The following SPTBN4 variants were observed in gnomAD, a reference collection of about 807,000 sequenced individuals.
SPTBN4 encodes the protein spectrin beta chain, non-erythrocytic 4.
SPTBN4 carries 96 observed loss-of-function variants against 277.8 expected under a neutral mutation model. The ratio of observed to expected loss-of-function variants is 0.35; its 90% CI spans 0.29 to 0.41. The LOEUF is 0.41. Among genes scored for constraint, SPTBN4 ranks in the 10% least tolerant of loss-of-function variants. The pLI is 1.00. For missense variants in SPTBN4, 3,006 were observed against 3,595.7 expected (o/e 0.84, Z 4.19); for synonymous variants, 1,481 against 1,580.3 (o/e 0.94, Z 1.49).
Position 40,512,811 on chromosome 19 carries a change from TGCGGCGGGC to T in SPTBN4, c.2025_2033del (p.Ala681_Gly683del). On this transcript the variant is annotated inframe_deletion, in exon 14 of 36. Coordinates refer to ENST00000598249, the MANE Select transcript of SPTBN4 (RefSeq NM_020971.3). ...TCCTGGAGGCTGCGGGCGGCGGCGG[TGCGGCGGGC>T]GCAGCGGGCGCAGCGGGAACAGCGG... 6.9e-7 allele frequency: 1 copy of T among 1,445,510 alleles called. No homozygotes were observed. The highest frequency in any genetic ancestry group is 9.0e-7 in the Non-Finnish European group (1 of 1,110,146). The allele number at this position is 1,445,510 out of a possible 1,614,324, so 89.5% of individuals were successfully genotyped here.
chr19:40,494,390 T>G (rs965785128), intron 5 of SPTBN4, among the ~76,000 whole-genome samples: 1 of 150,534 alleles, frequency 6.6e-6, no homozygotes, highest in African/African-American at 2.4e-5. Context: ...GTCTATATCT[T>G]GCTCTCTCCC....
At chr19:40,525,748 T>G (rs1956187459) in intron 17 of SPTBN4, among the ~76,000 whole-genome samples, 1 of 152,178 alleles carries the variant, frequency 6.6e-6, no homozygotes, top group African/African-American at 2.4e-5. Flanking sequence ...TCGAACGTTA[T>G]CTGACAAGGA....
chr19:40,476,673 C>T (rs1048755811), intron 2 of SPTBN4, among the ~76,000 whole-genome samples: 6 of 152,038 alleles, frequency 3.9e-5, no homozygotes, highest in Non-Finnish European at 5.9e-5. Context: ...CTGCAAGCTC[C>T]GCCTCCTGGG....
Position 40,515,972 on chromosome 19 carries a change from C to T in SPTBN4, c.2903+524C>T, listed in dbSNP as rs1443519210. Among the ~76,000 whole-genome samples, 4 of 148,062 alleles carry T rather than the reference C, an allele frequency of 2.7e-5. No homozygotes were observed. Among genetic ancestry groups the T allele is most frequent in the East Asian group, 2.0e-4 (1 of 5,092 alleles). On this transcript the variant is annotated intron_variant, in intron 15 of 35. Coordinates refer to ENST00000598249, the MANE Select transcript of SPTBN4 (RefSeq NM_020971.3). This position sits in a 1 kb window ranked among gnomAD's most constrained non-coding sequence, Gnocchi z 4.1. ...ATATACACATATATACGTATATATACACATATATACGTATATATACACATA... is the reference window on the plus strand; with the variant it reads ...ATATACACATATATACGTATATATATACATATATACGTATATATACACATA...
At chr19:40,574,564 G>A (rs1317761379) in intron 35 of SPTBN4, among the ~76,000 whole-genome samples, 4 of 151,984 alleles carry the variant, frequency 2.6e-5, no homozygotes, top group Non-Finnish European at 1.5e-5. Context: ...GTTTCTCCAT[G>A]TTGGTCAGGC....
intron 26 of SPTBN4, among the ~76,000 whole-genome samples, chr19:40,559,464 A>G (rs1248046069): frequency 6.6e-6 from 1 of 152,170 alleles, no homozygotes; most frequent in Non-Finnish European, 1.5e-5. Flanking sequence ...CCTGGGCAAC[A>G]TAGTAAGACT....
intron 1 of SPTBN4, among the ~76,000 whole-genome samples, chr19:40,470,629 T>C (rs1324715218): frequency 6.8e-6 from 1 of 147,674 alleles, no homozygotes; most frequent in Non-Finnish European, 1.5e-5. Context: ...ATTTTTCTTC[T>C]TCTTCTTCTT....
At chr19:40,546,252 A>G (rs2080859054) in intron 20 of SPTBN4, among the ~76,000 whole-genome samples, 1 of 151,776 alleles carries the variant, frequency 6.6e-6, no homozygotes, top group African/African-American at 2.4e-5. Flanking sequence ...GAAAGAAAGA[A>G]AGAAAAGAAA....
rs890625362 is a variant in SPTBN4 at position 40,570,551 on chromosome 19, G to A, written c.7142G>A (p.Arg2381Gln). The change falls in exon 33 of 36, where the codon CGA (arginine) becomes CAA (glutamine). Residue 2381 changes from arginine (R) to glutamine (Q), a missense_variant. Physicochemically the swap from Arg to Gln is conservative, Grantham distance 43. Transcript: ENST00000598249. ...CGGGCGCGGGACCGGCCCAAGCCGC[G>A]ACGGCGGCCGCGGCCCAGAGAGGGT... ...RPRARDRPKP[R>Q]RRPRPREGGE... 2 of 1,358,166 alleles carry A rather than the reference G, an allele frequency of 1.5e-6. No homozygotes were observed. Among genetic ancestry groups the A allele is most frequent in the African/African-American group, 1.5e-5 (1 of 65,134 alleles). The allele number at this position is 1,358,166 out of a possible 1,614,324, so 84.1% of individuals were successfully genotyped here.
Position 40,554,232 on chromosome 19 carries a change from C to G in SPTBN4, c.4760C>G (p.Pro1587Arg), listed in dbSNP as rs756017970. The change falls in exon 23 of 36, where the codon CCG becomes CGG. Residue 1587 changes from proline to arginine, a missense_variant. This residue lies in a region of SPTBN4 where 1,759 missense variants were observed against 2,061.5 expected (regional missense o/e 0.85). Transcript: ENST00000598249. This position sits in a 1 kb window ranked among gnomAD's most constrained non-coding sequence, Gnocchi z 5.7. ...RAGALASLRS[P>R]EAEAVRRGLE... is the part of the protein sequence containing the mutation. ...GGCGCGCTGGCGTCGCTGCGCAGCC[C>G]GGAGGCAGAGGCAGTGCGCCGGGGC... is the stretch of plus-strand genomic sequence containing the variant. 2.3e-5 allele frequency: 35 copies of G among 1,517,820 alleles called. No homozygotes were observed. The highest frequency in any genetic ancestry group is 2.4e-5 in the South Asian group (2 of 82,116). The allele number at this position is 1,517,820 out of a possible 1,614,324, so 94.0% of individuals were successfully genotyped here. A position where few individuals can be genotyped will look rare whatever the true frequency, so the allele number is the denominator to read the frequency against.
chr19:40,532,732 G>A lies in SPTBN4; in HGVS notation c.4056G>A (p.Glu1352=). Residue 1352 remains glutamate, a synonymous_variant, in exon 19 of 36, where the codon GAG becomes GAA. Coordinates refer to ENST00000598249, the MANE Select transcript of SPTBN4 (RefSeq NM_020971.3). The stretch of plus-strand genomic sequence containing the variant: ...TCCGGCACCAGGCATTCATGGCCGA[G>A]CTGGCTCAGAATAAGGAGTGGCTGG... ...RWLRHQAFMA[E]LAQNKEWLEK... The A allele has an allele frequency of 3.7e-6, 6 of 1,613,488 alleles. No individual in the cohort carries two copies. The highest frequency in any genetic ancestry group is 5.1e-6 in the Non-Finnish European group (6 of 1,179,596).
rs868245611 is a variant in SPTBN4 at position 40,516,606 on chromosome 19, C to T, written c.2903+1158C>T. On this transcript the variant is annotated intron_variant, in intron 15 of 35. Transcript: ENST00000598249. Reference sequence around the variant, plus strand: ...TGGGAGGCCAAGGCAGGTGGATCACCTGAGGTCAGGAGTTCGAGACCAGCC... The same window carrying T: ...TGGGAGGCCAAGGCAGGTGGATCACTTGAGGTCAGGAGTTCGAGACCAGCC... 1.1e-4 allele frequency among the ~76,000 whole-genome samples: 16 copies of T among 152,168 alleles called. 1 individual carries two copies. Among genetic ancestry groups the T allele is most frequent in the South Asian group, 8.3e-4 (4 of 4,814 alleles).
intron 1 of SPTBN4, among the ~76,000 whole-genome samples, chr19:40,469,327 C>T (rs565808535): frequency 1.3e-5 from 2 of 151,988 alleles, no homozygotes; most frequent in African/African-American, 2.4e-5. Context: ...TTTAGTGGCA[C>T]AATCTCGGCT....
At chr19:40,497,072 C>CAA (rs35856852) in intron 6 of SPTBN4, among the ~76,000 whole-genome samples, 226 of 57,862 alleles carry the variant, frequency 3.9e-3, no homozygotes, top group African/African-American at 4.5e-3. Context: ...GACTCCATCT[C>CAA]AAAAAAAAAA....
At chr19:40,486,176 A>T (rs1268442298) in intron 2 of SPTBN4, among the ~76,000 whole-genome samples, 1 of 151,938 alleles carries the variant, frequency 6.6e-6, no homozygotes, top group Non-Finnish European at 1.5e-5. Flanking sequence ...CTTTGGTCCC[A>T]GCTACTTGGG....
intron 27 of SPTBN4, among the ~76,000 whole-genome samples, chr19:40,561,865 G>A (rs2081046031): frequency 6.6e-6 from 1 of 151,976 alleles, no homozygotes; most frequent in Non-Finnish European, 1.5e-5. Flanking sequence ...AATATAGCGT[G>A]GGTATATATA....
At position 40,556,096 on chromosome 19, in the gene SPTBN4, C is replaced by T. The variant is rs138922303; in HGVS notation, c.5097C>T (p.Ser1699=). 3.7e-5 allele frequency: 60 copies of T among 1,610,980 alleles called. No homozygotes were observed. The highest frequency in any genetic ancestry group is 5.1e-5 in the Non-Finnish European group (60 of 1,179,370). The change falls in exon 25 of 36, where the codon AGC becomes AGT. Residue 1699 remains serine, a synonymous_variant. Coordinates refer to ENST00000598249, the MANE Select transcript of SPTBN4 (RefSeq NM_020971.3). ...EMGHPDSEQI[S]RRQSQVDRLY... ...TGTCCCCCTTCAGCGAGCAGATCAG[C>T]CGGCGGCAGTCTCAGGTGGACCGCC...
chr19:40,554,282 G>A lies in SPTBN4; in HGVS notation c.4810G>A (p.Ala1604Thr), dbSNP rs1431656047. 1.3e-6 allele frequency: 2 copies of A among 1,537,434 alleles called. No individual in the cohort carries two copies. Among genetic ancestry groups the A allele is most frequent in the African/African-American group, 1.4e-5 (1 of 73,226 alleles). ...RGLEQLQSAW[A>T]GLREAAERRQ... ...CCTGGAGCAGCTGCAGAGCGCCTGG[G>A]CCGGACTGCGGGAGGCTGCCGAGCG... is the stretch of plus-strand genomic sequence containing the variant. Residue 1604 changes from alanine to threonine, a missense_variant, in exon 23 of 36, where the codon GCC becomes ACC. By Grantham distance (58) the Ala-to-Thr change is moderately conservative. Coordinates refer to ENST00000598249, the MANE Select transcript of SPTBN4 (RefSeq NM_020971.3). This position sits in a 1 kb window ranked among gnomAD's most constrained non-coding sequence, Gnocchi z 5.7.
intron 21 of SPTBN4, among the ~76,000 whole-genome samples, chr19:40,549,729 T>G (rs1186613704): frequency 6.6e-6 from 1 of 152,240 alleles, no homozygotes; most frequent in East Asian, 1.9e-4. Flanking sequence ...CCTGATTTGC[T>G]CATTCATTTG....
Sources: gnomAD v4.1 joint callset for allele counts (sites outside exome capture counted in the v4.1 genomes callset) on GRCh38, gnomAD v4.1.1 for gene constraint, gnomAD v4.1.1 regional missense constraint, Gnocchi (gnomAD v3.1) non-coding constraint, MANE v1.5 for transcripts, NCBI Gene and HGNC (gene_info 2026-07-23, HGNC 2026-07-21) for gene names.